NTM: variants seen among roughly 807,000 people sequenced by gnomAD.
NTM encodes the protein IgLON family member 2.
Under a neutral mutation model 42.1 loss-of-function variants are expected in NTM, and 13 were observed. The ratio of observed to expected loss-of-function variants is 0.31; its 90% CI spans 0.20 to 0.49. The LOEUF is 0.49. Ranked by LOEUF, NTM falls within the 20% of genes least tolerant of loss-of-function variation. The probability of loss-of-function intolerance (pLI) is 0.99; values close to 1 mark genes in which losing one functional copy is unlikely to be tolerated. For missense variants in NTM, 373 were observed against 452.8 expected, an observed-to-expected ratio of 0.82 and a Z score of 1.60; for synonymous variants, 187 against 179.2, an observed-to-expected ratio of 1.04 and a Z score of -0.35.
intron 2 of NTM, among the ~76,000 whole-genome samples, chr11:132,132,903 T>A (rs986781469): frequency 2.0e-5 from 3 of 152,200 alleles, no homozygotes; most frequent in Non-Finnish European, 2.9e-5. Context: ...GGCTTCCAGA[T>A]GGCAGAAATC....
intron 1 of NTM, among the ~76,000 whole-genome samples, chr11:131,819,217 G>A (rs151205517): frequency 8.0e-4 from 122 of 152,236 alleles, no homozygotes; most frequent in African/African-American, 2.5e-3. Context: ...CTACTGGGGA[G>A]ACCTTGTAGT....
At position 131,787,832 on chromosome 11, in the gene NTM, G is replaced by A. The variant is rs193209142; in HGVS notation, c.83-123732G>A. Among the ~76,000 whole-genome samples the A allele has an allele frequency of 2.0e-3, 298 of 152,320 alleles. 1 individual carries two copies. Among genetic ancestry groups the A allele is most frequent in the African/African-American group, 6.8e-3 (283 of 41,568 alleles). On this transcript the variant is annotated intron_variant, in intron 1 of 8. Coordinates refer to ENST00000683400, the MANE Select transcript of NTM (RefSeq NM_001352005.2). The stretch of plus-strand genomic sequence containing the variant: ...ACTAAAAATGACAGGTGCTTAAGTT[G>A]ATCTGTTCAGCGTTTCTACTTTCTA...
At chr11:131,775,916 T>G (rs2086893162) in intron 1 of NTM, among the ~76,000 whole-genome samples, 1 of 152,152 alleles carries the variant, frequency 6.6e-6, no homozygotes, top group African/African-American at 2.4e-5. Context: ...ATAGTGCATT[T>G]ATTAGGGCAG....
chr11:132,023,746 TGG>T (rs2135554127), intron 2 of NTM, among the ~76,000 whole-genome samples: 1 of 151,312 alleles, frequency 6.6e-6, no homozygotes, highest in Non-Finnish European at 1.5e-5. Context: ...TTGTTGTTGG[TGG>T]TGGTTTTGTT....
intron 2 of NTM, among the ~76,000 whole-genome samples, chr11:131,979,569 A>C (rs1319576648): frequency 6.6e-6 from 1 of 152,226 alleles, no homozygotes; most frequent in African/African-American, 2.4e-5. Flanking sequence ...GCCTGGGCTT[A>C]ATTAAGATAT....
At chr11:131,587,118 G>A (rs187397083) in intron 1 of NTM, among the ~76,000 whole-genome samples, 9 of 152,256 alleles carry the variant, frequency 5.9e-5, no homozygotes, top group African/African-American at 2.2e-4. Context: ...TTCATGCTCT[G>A]GAGTGAGTTC....
At chr11:132,000,298 G>A (rs2068942413) in intron 2 of NTM, among the ~76,000 whole-genome samples, 1 of 152,142 alleles carries the variant, frequency 6.6e-6, no homozygotes, top group African/African-American at 2.4e-5. Flanking sequence ...TCAATCCTTG[G>A]GGGAGTTCTG....
At chr11:131,958,345 G>A (rs34968143) in intron 2 of NTM, among the ~76,000 whole-genome samples, 5,644 of 152,202 alleles carry the variant, frequency 0.037, 162 homozygotes, top group Non-Finnish European at 0.054. Flanking sequence ...TGGGAGAACA[G>A]AGTGAAGAGG....
intron 4 of NTM, among the ~76,000 whole-genome samples, chr11:132,218,294 G>T (rs974974144): frequency 4.6e-5 from 7 of 152,136 alleles, no homozygotes; most frequent in Non-Finnish European, 1.0e-4. Context: ...GAGAAAGAGA[G>T]AAAGCAAAAG....
At chr11:132,324,512 G>C (rs889587681) in intron 7 of NTM, among the ~76,000 whole-genome samples, 1 of 151,718 alleles carries the variant, frequency 6.6e-6, no homozygotes. Context: ...ACTGCTCAAT[G>C]AAATCAAAGA....
At chr11:132,268,924 A>G (rs1485670205) in intron 4 of NTM, among the ~76,000 whole-genome samples, 1 of 151,956 alleles carries the variant, frequency 6.6e-6, no homozygotes, top group Non-Finnish European at 1.5e-5. Context: ...CTCAGTGATG[A>G]CCCAGACATG....
intron 1 of NTM, among the ~76,000 whole-genome samples, chr11:131,717,711 T>C (rs1212380552): frequency 6.6e-6 from 1 of 152,222 alleles, no homozygotes; most frequent in African/African-American, 2.4e-5. Context: ...TTATTTCTTC[T>C]TCTTGCGTTA....
At chr11:131,509,738 G>C (rs992988983) in intron 1 of NTM, among the ~76,000 whole-genome samples, 1 of 152,208 alleles carries the variant, frequency 6.6e-6, no homozygotes, top group African/African-American at 2.4e-5. Context: ...TTAATCATGA[G>C]AGGAGGTTGG....
At chr11:132,011,001 C>T (rs956009895) in intron 2 of NTM, among the ~76,000 whole-genome samples, 4 of 151,104 alleles carry the variant, frequency 2.6e-5, no homozygotes, top group Non-Finnish European at 1.5e-5. Flanking sequence ...ATTTACATGT[C>T]GATCTCGTAT....
chr11:131,634,409 A>G (rs940821833), intron 1 of NTM, among the ~76,000 whole-genome samples: 3 of 152,084 alleles, frequency 2.0e-5, no homozygotes, highest in Non-Finnish European at 4.4e-5. Context: ...AAAAAAAAAA[A>G]AGTGCTTTCT....
intron 2 of NTM, among the ~76,000 whole-genome samples, chr11:132,059,159 C>T (rs1014130194): frequency 3.8e-4 from 58 of 152,328 alleles, no homozygotes; most frequent in African/African-American, 1.3e-3. Flanking sequence ...GCCTCTGGGC[C>T]TCCACCTTCC....
At chr11:131,943,443 G>A (rs2060017876) in intron 2 of NTM, among the ~76,000 whole-genome samples, 1 of 152,194 alleles carries the variant, frequency 6.6e-6, no homozygotes, top group South Asian at 2.1e-4. Context: ...CCTTCGGATG[G>A]TTCTAATGCA....
At chr11:131,869,460 G>A (rs1565652211) in intron 1 of NTM, among the ~76,000 whole-genome samples, 3 of 152,146 alleles carry the variant, frequency 2.0e-5, no homozygotes, top group African/African-American at 7.2e-5. Flanking sequence ...TACTGTCTCC[G>A]GCATCTGTTA....
intron 1 of NTM, among the ~76,000 whole-genome samples, chr11:131,509,078 TACTC>T (rs898663176): frequency 1.1e-4 from 17 of 152,320 alleles, no homozygotes; most frequent in African/African-American, 2.4e-4. Context: ...GCTCAGTTAA[TACTC>T]AACCCCAAAA....
Sources: allele counts gnomAD v4.1 joint callset (sites outside exome capture counted in the v4.1 genomes callset), GRCh38; gene constraint gnomAD v4.1.1; transcripts MANE v1.5; gene names NCBI Gene and HGNC (gene_info 2026-07-23, HGNC 2026-07-21).